PRICKLE2: variants seen among roughly 807,000 people sequenced by gnomAD.
The protein encoded by PRICKLE2 is prickle planar cell polarity protein 2, also known as prickle-like protein 2.
PRICKLE2 carries 21 observed loss-of-function variants against 81.4 expected under a neutral mutation model. That is an observed-to-expected ratio of 0.26 (90% CI 0.18 to 0.37). The LOEUF (loss-of-function observed/expected upper bound fraction) is 0.37, where lower values mean the gene tolerates loss of function less well. Ranked by LOEUF, PRICKLE2 falls within the 10% of genes least tolerant of loss-of-function variation. The pLI, the probability that PRICKLE2 is intolerant of heterozygous loss-of-function variation, is 1.00. For missense variants in PRICKLE2, 940 were observed against 1,109.0 expected (o/e 0.85, Z 2.16); for synonymous variants, 456 against 421.5 (o/e 1.08, Z -1.00).
rs1219140002 is a variant in PRICKLE2, at chr3:64,172,816, A to G, written c.145-9687T>C. Among the ~76,000 whole-genome samples, 3 of 152,338 alleles carry G rather than the reference A, an allele frequency of 2.0e-5. No individual in the cohort carries two copies. The East Asian group carries it at 5.8e-4, about 29-fold the overall frequency. On this transcript the variant is annotated intron_variant, in intron 2 of 7. Coordinates refer to ENST00000638394, the MANE Select transcript of PRICKLE2 (RefSeq NM_198859.4). ...GGTCATAAGGCTGGGGCCCTATTCA[A>G]TAAGACTGGTGTCCTTGTAAGAAGA...
At chr3:64,148,736 T>C (rs950767030) in intron 6 of PRICKLE2, among the ~76,000 whole-genome samples, 1 of 152,152 alleles carries the variant, frequency 6.6e-6, no homozygotes, top group African/African-American at 2.4e-5. Flanking sequence ...GCCTGTTTGC[T>C]CCTTCCACTA....
chr3:64,189,507 C>T (rs575573438), intron 2 of PRICKLE2, among the ~76,000 whole-genome samples: 22 of 152,164 alleles, frequency 1.4e-4, no homozygotes, highest in Non-Finnish European at 2.8e-4. Flanking sequence ...AAAGCCCACA[C>T]GGGCACTAGA....
At chr3:64,142,873 C>T (rs2077385348) in intron 7 of PRICKLE2, among the ~76,000 whole-genome samples, 1 of 152,208 alleles carries the variant, frequency 6.6e-6, no homozygotes, top group Non-Finnish European at 1.5e-5. Context: ...TCCACTTATT[C>T]ACAAAATTCC....
In PRICKLE2 at chr3:64,147,434, C is replaced by G. The variant is rs1331495762; in HGVS notation, c.1056G>C (p.Leu352=). The G allele has an allele frequency of 6.2e-7, 1 of 1,614,232 alleles. No homozygotes were observed. The highest frequency in any genetic ancestry group is 2.2e-5 in the East Asian group (1 of 44,872). Residue 352 remains leucine, a synonymous_variant, in exon 7 of 8, where the codon CTG becomes CTC. Coordinates refer to ENST00000638394, the MANE Select transcript of PRICKLE2 (RefSeq NM_198859.4). The surrounding 1 kb of genome is among the most constrained non-coding windows in gnomAD (Gnocchi z 5.0). The part of the protein sequence containing the change: ...KNKGKTEEPM[L]NQHSQLQVSS... ...TCACTTGCAGCTGGCTGTGCTGGTT[C>G]AGCATGGGCTCCTCCGTCTTGCCCT...
chr3:64,264,957 A>G (rs949157213), intron 2 of PRICKLE2, among the ~76,000 whole-genome samples: 4 of 152,158 alleles, frequency 2.6e-5, no homozygotes, highest in African/African-American at 9.7e-5. Context: ...CTCTGGGCTA[A>G]TCTTGCAGGG....
intron 7 of PRICKLE2, among the ~76,000 whole-genome samples, chr3:64,108,787 C>G (rs2076797109): frequency 6.6e-6 from 1 of 152,070 alleles, no homozygotes. Flanking sequence ...GAAACAAGAC[C>G]CTCACACTCT....
At chr3:64,234,509 C>T (rs866617556) in intron 2 of PRICKLE2, among the ~76,000 whole-genome samples, 9 of 152,162 alleles carry the variant, frequency 5.9e-5, no homozygotes, top group South Asian at 2.1e-4. Flanking sequence ...ATTGGGCACA[C>T]GTGTTAAAAT....
At position 64,147,626 on chromosome 3, in the gene PRICKLE2, G is replaced by A. The variant is rs753347816; in HGVS notation, c.864C>T (p.Cys288=). The A allele has an allele frequency of 6.2e-7, 1 of 1,614,166 alleles. No individual in the cohort carries two copies. The highest frequency in any genetic ancestry group is 8.5e-7 in the Non-Finnish European group (1 of 1,180,042). The change falls in exon 7 of 8, where the codon TGC becomes TGT. Residue 288 remains cysteine, a synonymous_variant. Transcript: ENST00000638394. The surrounding 1 kb of genome is among the most constrained non-coding windows in gnomAD (Gnocchi z 5.0). ...ATGGCCGCCCCAGGAGGGATTTCTT[G>A]CAGTGAGCACAGCAGAAACAGGTCT... ...ATETCFCCAH[C]KKSLLGRPFL...
chr3:64,265,119 G>C (rs556302252), intron 2 of PRICKLE2, among the ~76,000 whole-genome samples: 22 of 151,698 alleles, frequency 1.5e-4, no homozygotes, highest in Non-Finnish European at 2.5e-4. Context: ...AGAGGAGCAG[G>C]ATATGAAAAA....
intron 2 of PRICKLE2, among the ~76,000 whole-genome samples, chr3:64,266,865 C>T (rs568675573): frequency 6.6e-6 from 1 of 151,456 alleles, no homozygotes; most frequent in African/African-American, 2.4e-5. Flanking sequence ...TTAATATGGG[C>T]GGAAATGGAA....
intron 5 of PRICKLE2, chr3:64,153,573 G>T: frequency 1.7e-6 from 1 of 572,574 alleles, no homozygotes; most frequent in Non-Finnish European, 3.1e-6. Context: ...AATTAAACAT[G>T]ATTTCTGGCC....
intron 1 of PRICKLE2, among the ~76,000 whole-genome samples, chr3:64,210,357 C>T (rs1291679913): frequency 6.6e-6 from 1 of 152,150 alleles, no homozygotes; most frequent in Non-Finnish European, 1.5e-5. Flanking sequence ...TGAACCTTGA[C>T]ACTTGCCATG....
chr3:64,260,923 T>G (rs2079606896), intron 2 of PRICKLE2, among the ~76,000 whole-genome samples: 1 of 152,210 alleles, frequency 6.6e-6, no homozygotes, highest in Non-Finnish European at 1.5e-5. Flanking sequence ...TTAAAAACTT[T>G]TGGATCCCAA....
intron 7 of PRICKLE2, among the ~76,000 whole-genome samples, chr3:64,109,315 C>T (rs1486502545): frequency 6.6e-6 from 1 of 152,162 alleles, no homozygotes; most frequent in Non-Finnish European, 1.5e-5. Flanking sequence ...CAAGAACTCC[C>T]CAGTTAAGGC....
At chr3:64,181,611 G>GA (rs372563429) in intron 2 of PRICKLE2, among the ~76,000 whole-genome samples, 341 of 150,382 alleles carry the variant, frequency 2.3e-3, no homozygotes, top group African/African-American at 7.2e-3. Flanking sequence ...GGATTGAAAA[G>GA]AAAAAAAAAC....
rs2079588911 is a variant in PRICKLE2, at chr3:64,259,777, G to A, written c.129-60810C>T. Among the ~76,000 whole-genome samples, 6 of 152,264 alleles carry A rather than the reference G, an allele frequency of 3.9e-5. No homozygotes were observed. The South Asian group carries it at 1.2e-3, about 32-fold the overall frequency. On this transcript the variant is annotated intron_variant, in intron 2 of 8. Coordinates refer to the PRICKLE2 transcript ENST00000295902. ...AGGCAGCTACTGGAGTGATGCGGCT[G>A]TAACCATGGAAAGCCAAGGATGGAT...
chr3:64,155,437 C>T (rs532847752), intron 5 of PRICKLE2, among the ~76,000 whole-genome samples: 1 of 151,220 alleles, frequency 6.6e-6, no homozygotes. Flanking sequence ...TCATTGATAG[C>T]AGGAATGTAA....
chr3:64,193,211 A>G (rs994559237), intron 2 of PRICKLE2, among the ~76,000 whole-genome samples: 1 of 152,314 alleles, frequency 6.6e-6, no homozygotes, highest in Middle Eastern at 3.4e-3. Flanking sequence ...GCAAGTGGTC[A>G]AAACTAAACC....
At position 64,092,474 on chromosome 3, in the gene PRICKLE2, A is replaced by C. The variant is rs984160329; in HGVS notation, c.*6577T>G. On this transcript the variant is annotated 3_prime_UTR_variant, in exon 8 of 8. Coordinates refer to ENST00000638394, the MANE Select transcript of PRICKLE2 (RefSeq NM_198859.4). ...ACCTAGAACGGTTCCTGGCTAGAGA[A>C]AGCCTTTTGATAAATATTTGTTGAA... The C allele has an allele frequency of 6.6e-6, 1 of 151,436 alleles. No homozygotes were observed. The highest frequency in any genetic ancestry group is 1.5e-5 in the Non-Finnish European group (1 of 67,552). 9.4% of individuals were successfully genotyped at this position (151,436 alleles called of 1,614,324 possible).
Sources: allele counts gnomAD v4.1 joint callset (sites outside exome capture counted in the v4.1 genomes callset), GRCh38; gene constraint gnomAD v4.1.1; non-coding constraint Gnocchi (gnomAD v3.1); transcripts MANE v1.5; gene names NCBI Gene and HGNC (gene_info 2026-07-23, HGNC 2026-07-21).